DST: variants seen among roughly 807,000 people sequenced by gnomAD.
The protein encoded by DST is dystonin.
Under a neutral mutation model 875.2 loss-of-function variants are expected in DST, and 253 were observed. That is an observed-to-expected ratio of 0.29 (90% CI 0.26 to 0.32). The LOEUF (loss-of-function observed/expected upper bound fraction) is 0.32, where lower values mean the gene tolerates loss of function less well. Among genes scored for constraint, DST ranks in the 10% least tolerant of loss-of-function variants. The pLI is 1.00. For synonymous variants in DST, 3,124 were observed against 3,197.1 expected (o/e 0.98, Z 0.77); for missense variants, 8,287 against 9,111.6 (o/e 0.91, Z 3.68).
intron 36 of DST, chr6:56,616,181 T>C (rs2098616664): frequency 6.2e-7 from 1 of 1,614,170 alleles, no homozygotes; most frequent in Non-Finnish European, 8.5e-7. Context: ...ATCAGCAAGT[T>C]CTGTAAGTGT....
At chr6:56,933,724 C>T (rs990797818) in intron 2 of DST, among the ~76,000 whole-genome samples, 1 of 152,138 alleles carries the variant, frequency 6.6e-6, no homozygotes, top group Non-Finnish European at 1.5e-5. Context: ...AACCAAGCAG[C>T]TGGGTCTTGT....
intron 4 of DST, chr6:56,843,446 G>C: frequency 5.9e-6 from 6 of 1,022,072 alleles, no homozygotes; most frequent in Non-Finnish European, 7.0e-6. Flanking sequence ...GGGCGGCGAC[G>C]AGCAGCGCCA....
Position 56,636,599 on chromosome 6 carries a change from C to T in DST, c.3018G>A (p.Gln1006=), listed in dbSNP as rs2098828540. The change falls in exon 23 of 104, where the codon CAG becomes CAA. Residue 1006 remains glutamine (Q), a synonymous_variant. Coordinates refer to ENST00000680361, the MANE Select transcript of DST (RefSeq NM_001374736.1). ...TQWSWILQLC[Q]CVEQHIKENT... Reference sequence around the variant, plus strand: ...TCTCCTTTATGTGCTGCTCCACACACTGGCAGAGCTGTAAGATCCAGCTCC... The same window carrying T: ...TCTCCTTTATGTGCTGCTCCACACATTGGCAGAGCTGTAAGATCCAGCTCC... 2 of 1,613,518 alleles carry T rather than the reference C, an allele frequency of 1.2e-6. No individual in the cohort carries two copies. Among genetic ancestry groups the T allele is most frequent in the Non-Finnish European group, 1.7e-6 (2 of 1,179,962 alleles).
At chr6:56,525,847 A>G (rs2096788456) in intron 69 of DST, among the ~76,000 whole-genome samples, 1 of 152,158 alleles carries the variant, frequency 6.6e-6, no homozygotes, top group Admixed American at 6.6e-5. Flanking sequence ...GTTATAGACA[A>G]ATTGGAACCT....
intron 36 of DST, chr6:56,615,150 A>G (rs927850063): frequency 1.9e-6 from 2 of 1,080,958 alleles, no homozygotes; most frequent in Non-Finnish European, 2.2e-6. Context: ...TCTTTCAGCG[A>G]GTGCAATTTA....
chr6:56,937,074 G>GA (rs980139973), intron 2 of DST, among the ~76,000 whole-genome samples: 2 of 151,382 alleles, frequency 1.3e-5, no homozygotes, highest in Admixed American at 1.3e-4. Context: ...AAATTGCCTT[G>GA]AAAAAAAAGC....
At chr6:56,851,844 C>A in intron 3 of DST, 2 of 1,551,694 alleles carry the variant, frequency 1.3e-6, no homozygotes, top group Non-Finnish European at 8.7e-7. Flanking sequence ...AGTTTCAATA[C>A]ATGAAGATTT....
chr6:56,555,651 G>C lies in DST; in HGVS notation c.14830C>G (p.Gln4944Glu). Reference protein sequence around the residue: ...QLSDRCDWIDQAIVKSTQYQS... With the variant: ...QLSDRCDWIDEAIVKSTQYQS... ...TACTGTGTGCTTTTAACAATGGCTT[G>C]GTCAATCCAGTCACATCTGTCACTC... Residue 4944 changes from glutamine to glutamate, a missense_variant, in exon 60 of 104, where the codon CAA (glutamine) becomes GAA (glutamate). Coordinates refer to ENST00000680361, the MANE Select transcript of DST (RefSeq NM_001374736.1). 6.2e-7 allele frequency: 1 copy of C among 1,613,886 alleles called. No homozygotes were observed. Among genetic ancestry groups the C allele is most frequent in the Non-Finnish European group, 8.5e-7 (1 of 1,179,878 alleles).
chr6:56,642,235 T>C (rs1434574870), intron 16 of DST, 134 bp from the exon 17 acceptor site: 1 of 903,886 alleles, frequency 1.1e-6, no homozygotes, highest in Non-Finnish European at 1.8e-6. Flanking sequence ...AAAAATATGT[T>C]TTCCCTCTTC....
chr6:56,524,700 AG>A (rs2152502880), intron 69 of DST, among the ~76,000 whole-genome samples: 1 of 152,256 alleles, frequency 6.6e-6, no homozygotes, highest in South Asian at 2.1e-4. Context: ...AACAACCAGA[AG>A]ATATCAGTGG....
At chr6:56,656,829 C>A (rs577391000) in intron 10 of DST, among the ~76,000 whole-genome samples, 1 of 152,088 alleles carries the variant, frequency 6.6e-6, no homozygotes, top group East Asian at 1.9e-4. Flanking sequence ...TATTGGTAAC[C>A]CCCATAAAGA....
At chr6:56,496,907 C>T (rs1267324325) in intron 82 of DST, among the ~76,000 whole-genome samples, 4 of 151,952 alleles carry the variant, frequency 2.6e-5, no homozygotes, top group Admixed American at 2.0e-4. Context: ...AGTAAACTAT[C>T]GCAAGAACAA....
At chr6:56,482,581 T>C in intron 89 of DST, 102 bp downstream of exon 89, 1 of 1,190,702 alleles carries the variant, frequency 8.4e-7, no homozygotes, top group East Asian at 2.4e-5. Context: ...CAGACTGTCC[T>C]GATTGAGACA....
chr6:56,673,939 C>T (rs2099115451), intron 9 of DST, among the ~76,000 whole-genome samples: 1 of 152,140 alleles, frequency 6.6e-6, no homozygotes, highest in Admixed American at 6.5e-5. Flanking sequence ...TTTTAAAATA[C>T]TGTTACCATT....
chr6:56,843,300 G>A, intron 4 of DST: 1 of 1,236,304 alleles, frequency 8.1e-7, no homozygotes, highest in East Asian at 3.2e-5. Flanking sequence ...CGCAGAGCGG[G>A]GGCGCAGGGG....
intron 5 of DST, among the ~76,000 whole-genome samples, chr6:56,729,518 AG>A (rs1191271718): frequency 1.3e-5 from 2 of 151,372 alleles, no homozygotes; most frequent in Non-Finnish European, 2.9e-5. Flanking sequence ...TGAACCCAGG[AG>A]GCGGAGATTG....
chr6:56,647,156 A>G (rs2098947677), intron 13 of DST, among the ~76,000 whole-genome samples: 1 of 152,238 alleles, frequency 6.6e-6, no homozygotes, highest in South Asian at 2.1e-4. Context: ...AGTGTATTTG[A>G]ACATGAAATC....
In DST at chr6:56,604,212, C is replaced by A. The variant is rs768903996; in HGVS notation, c.10416G>T (p.Glu3472Asp). ...FELMRELTHM[E>D]YDLEKRGITS... ...TAATGCCTCTTTTCTCTAGGTCATA[C>A]TCCATATGAGTTAATTCTCTCATCA... Residue 3472 changes from glutamate (E) to aspartate (D), a missense_variant, in exon 40 of 104, where the codon GAG (glutamate) becomes GAT (aspartate). Coordinates refer to ENST00000680361, the MANE Select transcript of DST (RefSeq NM_001374736.1). 1 of 1,606,820 alleles carries A rather than the reference C, an allele frequency of 6.2e-7. No individual in the cohort carries two copies. The highest frequency in any genetic ancestry group is 1.1e-5 in the South Asian group (1 of 90,028).
In DST at chr6:56,604,450, A is replaced by G. The variant is rs1202136416; in HGVS notation, c.10178T>C (p.Ile3393Thr). Reference sequence around the variant, plus strand: ...CTCATTTACCAACTGTGATGTGGTAATCCTTTTAATTAAATTTTGAATTAA... The same window carrying G: ...CTCATTTACCAACTGTGATGTGGTAGTCCTTTTAATTAAATTTTGAATTAA... Reference protein sequence around the residue: ...KILIQNLIKRITTSQLVNEAS... With the variant: ...KILIQNLIKRTTTSQLVNEAS... Residue 3393 changes from isoleucine to threonine, a missense_variant, in exon 40 of 104, where the codon ATT becomes ACT. Physicochemically the swap from Ile to Thr is moderately conservative, Grantham distance 89. This residue lies in a region of DST where 3,138 missense variants were observed against 3,116.6 expected (regional missense o/e 1.01). Coordinates refer to ENST00000680361, the MANE Select transcript of DST (RefSeq NM_001374736.1). 6.2e-7 allele frequency: 1 copy of G among 1,609,512 alleles called. No homozygotes were observed. Among genetic ancestry groups the G allele is most frequent in the East Asian group, 2.2e-5 (1 of 44,660 alleles).
Sources: gnomAD v4.1 joint callset for allele counts (sites outside exome capture counted in the v4.1 genomes callset) on GRCh38, gnomAD v4.1.1 for gene constraint, gnomAD v4.1.1 regional missense constraint, MANE v1.5 for transcripts, NCBI Gene and HGNC (gene_info 2026-07-23, HGNC 2026-07-21) for gene names.